The following TMCO5A variants were observed in gnomAD, a reference collection of about 807,000 sequenced individuals.
TMCO5A encodes transmembrane and coiled-coil domains 5A, also known as transmembrane and coiled-coil domain-containing protein 5A.
TMCO5A carries 34 observed loss-of-function variants against 42.3 expected under a neutral mutation model. The observed-to-expected ratio is 0.80, with a 90% CI of 0.61 to 1.07. TMCO5A has a LOEUF of 1.07. TMCO5A is among the 50% of genes least tolerant of loss of function. The probability of loss-of-function intolerance (pLI) is 0.00; values close to 1 mark genes in which losing one functional copy is unlikely to be tolerated. For missense variants in TMCO5A, 357 were observed against 327.9 expected (o/e 1.09, Z -0.69); for synonymous variants, 131 against 115.6 (o/e 1.13, Z -0.86).
At chr15:38,017,485 G>T in the TMCO5A span, among the ~76,000 whole-genome samples, 1 of 152,160 alleles carries the variant, frequency 6.6e-6, no homozygotes, top group African/African-American at 2.4e-5. Context: ...CAGAGAAATG[G>T]CTGTGCCTTG....
At chr15:37,966,483 A>G in intron 11 of TMCO5A, 1 of 660,090 alleles carries the variant, frequency 1.5e-6, no homozygotes, top group Non-Finnish European at 2.7e-6. Context: ...AACATCTCAT[A>G]TACCCCATAA....
At chr15:37,990,327 T>G in the TMCO5A span, among the ~76,000 whole-genome samples, 2 of 152,110 alleles carry the variant, frequency 1.3e-5, no homozygotes, top group Non-Finnish European at 2.9e-5. Flanking sequence ...TATTATATCT[T>G]TTTCCTGTAT....
At chr15:37,961,316 G>A (rs1024357512) in intron 11 of TMCO5A, among the ~76,000 whole-genome samples, 4 of 152,112 alleles carry the variant, frequency 2.6e-5, no homozygotes, top group African/African-American at 7.2e-5. Context: ...CCCATATTAC[G>A]TTTTTGTTTG....
At chr15:37,991,479 A>G in the TMCO5A span, among the ~76,000 whole-genome samples, 1 of 152,112 alleles carries the variant, frequency 6.6e-6, no homozygotes, top group African/African-American at 2.4e-5. Flanking sequence ...ATAAATGTTT[A>G]CATTTATGTC....
At chr15:38,002,208 G>GTTTTT in the TMCO5A span, among the ~76,000 whole-genome samples, 1 of 145,188 alleles carries the variant, frequency 6.9e-6, no homozygotes, top group African/African-American at 2.5e-5. Context: ...AGGATAAAAG[G>GTTTTT]TTTTTTTTTT....
chr15:38,015,369 A>C, the TMCO5A span, among the ~76,000 whole-genome samples: 1 of 152,158 alleles, frequency 6.6e-6, no homozygotes, highest in Non-Finnish European at 1.5e-5. Context: ...AATTAATACC[A>C]TTAAAATTGC....
the TMCO5A span, among the ~76,000 whole-genome samples, chr15:38,012,413 T>A: frequency 6.6e-6 from 1 of 152,138 alleles, no homozygotes; most frequent in Non-Finnish European, 1.5e-5. Flanking sequence ...ATTTATCTCA[T>A]CAAGCCTCAA....
intron 6 of TMCO5A, among the ~76,000 whole-genome samples, chr15:37,939,283 G>T (rs1889644815): frequency 6.6e-6 from 1 of 152,088 alleles, no homozygotes; most frequent in African/African-American, 2.4e-5. Context: ...CCTATCTTCT[G>T]CTGGCCAATT....
chr15:37,962,028 A>C (rs1019060098), intron 11 of TMCO5A, among the ~76,000 whole-genome samples: 1 of 151,756 alleles, frequency 6.6e-6, no homozygotes, highest in Admixed American at 6.6e-5. Context: ...GGTGCCCTTT[A>C]TTTTTTTCTC....
At chr15:37,961,014 C>A (rs548492038) in intron 11 of TMCO5A, among the ~76,000 whole-genome samples, 1 of 152,162 alleles carries the variant, frequency 6.6e-6, no homozygotes, top group Non-Finnish European at 1.5e-5. Context: ...GCTGACTATT[C>A]CTTTTGCCAT....
chr15:38,031,220 T>TTC, the TMCO5A span, among the ~76,000 whole-genome samples: 113 of 152,242 alleles, frequency 7.4e-4, no homozygotes, highest in Middle Eastern at 3.4e-3. Context: ...CTTCCATGTC[T>TTC]TCTCCCTAAT....
intron 11 of TMCO5A, 82 bp from the exon 12 acceptor site, chr15:37,950,954 G>T: frequency 8.3e-7 from 1 of 1,204,542 alleles, no homozygotes. Context: ...TTAGGAGCCA[G>T]ATATGCATTC....
intron 11 of TMCO5A, among the ~76,000 whole-genome samples, chr15:37,965,085 A>C (rs1381332870): frequency 6.6e-6 from 1 of 152,192 alleles, no homozygotes; most frequent in Non-Finnish European, 1.5e-5. Context: ...AATGGAACAT[A>C]ATAGAGAACC....
the TMCO5A span, among the ~76,000 whole-genome samples, chr15:38,021,994 T>G: frequency 6.6e-6 from 1 of 152,006 alleles, no homozygotes; most frequent in South Asian, 2.1e-4. Context: ...GTATTTTTAG[T>G]AGAGATAGGG....
chr15:38,037,633 G>A, the TMCO5A span, among the ~76,000 whole-genome samples: 2 of 152,180 alleles, frequency 1.3e-5, no homozygotes, highest in African/African-American at 2.4e-5. Flanking sequence ...TAGAGATGTG[G>A]GCAATGGAAT....
the TMCO5A span, among the ~76,000 whole-genome samples, chr15:37,984,077 C>G: frequency 5.3e-5 from 8 of 152,234 alleles, no homozygotes; most frequent in South Asian, 1.4e-3. Context: ...CTAAGTCTTA[C>G]GTATTCTAAG....
the TMCO5A span, among the ~76,000 whole-genome samples, chr15:37,982,543 A>G: frequency 7.1e-6 from 1 of 141,546 alleles, no homozygotes; most frequent in Non-Finnish European, 1.5e-5. Context: ...GATATTATAT[A>G]TTATTATGAT....
chr15:38,000,619 G>C, the TMCO5A span, among the ~76,000 whole-genome samples: 2 of 151,774 alleles, frequency 1.3e-5, no homozygotes, highest in Admixed American at 1.3e-4. Flanking sequence ...TTTATTTGAA[G>C]TTTTTCTACT....
chr15:37,995,845 C>T, the TMCO5A span, among the ~76,000 whole-genome samples: 1,356 of 141,080 alleles, frequency 9.6e-3, 21 homozygotes, highest in African/African-American at 0.036. Flanking sequence ...CAATCCCCTC[C>T]AAAAAAAAAA....
Sources: allele counts gnomAD v4.1 joint callset (sites outside exome capture counted in the v4.1 genomes callset), GRCh38; gene constraint gnomAD v4.1.1; transcripts MANE v1.5; gene names NCBI Gene and HGNC (gene_info 2026-07-23, HGNC 2026-07-21).